RPH3A: variants seen among roughly 807,000 people sequenced by gnomAD.
RPH3A encodes rabphilin 3A, also known as rabphilin-3A.
RPH3A carries 48 observed loss-of-function variants against 102.2 expected under a neutral mutation model. The ratio of observed to expected loss-of-function variants is 0.47; its 90% CI spans 0.37 to 0.60. The LOEUF (loss-of-function observed/expected upper bound fraction) is 0.60, where lower values mean the gene tolerates loss of function less well. RPH3A is among the 20% of genes least tolerant of loss of function. RPH3A has a pLI of 0.00. For synonymous variants in RPH3A, 310 were observed against 324.3 expected (o/e 0.96, Z 0.47); for missense variants, 781 against 910.1 (o/e 0.86, Z 1.83).
intron 1 of RPH3A, among the ~76,000 whole-genome samples, chr12:112,706,180 A>G (rs998044523): frequency 3.9e-5 from 6 of 152,232 alleles, no homozygotes; most frequent in Admixed American, 3.3e-4. Context: ...ACAGCATGCA[A>G]CTAATTGTAA....
At chr12:112,602,806 A>G (rs2039568778) in intron 1 of RPH3A, among the ~76,000 whole-genome samples, 1 of 152,152 alleles carries the variant, frequency 6.6e-6, no homozygotes, top group African/African-American at 2.4e-5. Context: ...GAGAAAAAAA[A>G]AGAGTAGGAG....
intron 2 of RPH3A, among the ~76,000 whole-genome samples, chr12:112,817,987 C>T (rs1302807523): frequency 1.3e-5 from 2 of 152,130 alleles, no homozygotes; most frequent in Admixed American, 1.3e-4. Flanking sequence ...GAATTTGATT[C>T]AAATTGGACT....
intron 1 of RPH3A, among the ~76,000 whole-genome samples, chr12:112,616,515 A>T (rs2039681149): frequency 6.6e-6 from 1 of 152,172 alleles, no homozygotes; most frequent in Non-Finnish European, 1.5e-5. Flanking sequence ...CTTAGAAGAG[A>T]ATTCCCAGAG....
chr12:112,753,394 C>A (rs2040798888), intron 1 of RPH3A, among the ~76,000 whole-genome samples: 1 of 152,162 alleles, frequency 6.6e-6, no homozygotes, highest in African/African-American at 2.4e-5. Context: ...TACTGTGGTA[C>A]ACACAGGGGA....
chr12:112,820,622 C>A (rs2041760989), intron 2 of RPH3A, among the ~76,000 whole-genome samples: 1 of 152,172 alleles, frequency 6.6e-6, no homozygotes, highest in Non-Finnish European at 1.5e-5. Flanking sequence ...ACCTAAGCAG[C>A]CATTATGATG....
At chr12:112,837,702 A>T (rs2042075916) in intron 4 of RPH3A, 2 of 455,312 alleles carry the variant, frequency 4.4e-6, no homozygotes, top group African/African-American at 4.0e-5. Context: ...CTGGAGAGAG[A>T]TGCTGAGTCA....
chr12:112,743,489 T>C (rs1158490944), intron 1 of RPH3A, among the ~76,000 whole-genome samples: 1 of 152,234 alleles, frequency 6.6e-6, no homozygotes, highest in African/African-American at 2.4e-5. Context: ...TCTGCAAGCA[T>C]GTCTGCTCCC....
intron 1 of RPH3A, among the ~76,000 whole-genome samples, chr12:112,629,011 C>T (rs1359066319): frequency 1.3e-5 from 2 of 152,118 alleles, no homozygotes; most frequent in Non-Finnish European, 2.9e-5. Context: ...GCCCCAATGT[C>T]TCACACTTTC....
chr12:112,845,407 C>G (rs2042213344), intron 4 of RPH3A, among the ~76,000 whole-genome samples: 1 of 152,180 alleles, frequency 6.6e-6, no homozygotes, highest in Non-Finnish European at 1.5e-5. Flanking sequence ...GGGCCCTCTT[C>G]AAGATCAAAA....
chr12:112,723,776 A>G (rs1272448804), intron 1 of RPH3A, among the ~76,000 whole-genome samples: 2 of 152,382 alleles, frequency 1.3e-5, no homozygotes, highest in African/African-American at 4.8e-5. Context: ...TCACTGAAAT[A>G]GCAATAGAAG....
At chr12:112,613,709 G>A (rs78639818) in intron 1 of RPH3A, among the ~76,000 whole-genome samples, 3,103 of 152,104 alleles carry the variant, frequency 0.02, 82 homozygotes, top group Non-Finnish European at 0.025. Context: ...TGAGGGTGGG[G>A]GTCTGATGGG....
intron 2 of RPH3A, among the ~76,000 whole-genome samples, chr12:112,798,047 G>A (rs1211765957): frequency 1.3e-5 from 2 of 152,232 alleles, no homozygotes; most frequent in Non-Finnish European, 2.9e-5. Flanking sequence ...AAGAGGGAAG[G>A]CAGCAGTGCT....
chr12:112,591,062 C>G (rs2039473975), intron 1 of RPH3A, among the ~76,000 whole-genome samples: 1 of 152,158 alleles, frequency 6.6e-6, no homozygotes, highest in African/African-American at 2.4e-5. Flanking sequence ...AAGGGATCCT[C>G]CCACCTCAGC....
In RPH3A at chr12:112,868,531, T is replaced by C; in HGVS notation, c.546T>C (p.Ser182=). The C allele has an allele frequency of 6.2e-7, 1 of 1,614,176 alleles. No individual in the cohort carries two copies. The highest frequency in any genetic ancestry group is 1.1e-5 in the South Asian group (1 of 91,080). ...AGACCAAGCCCCAGCAGCCTGTCAG[T>C]GAGCCTGCTGCCCCTGAACAGCCTG... ...IKKTKPQQPV[S]EPAAPEQPAP... Residue 182 remains serine, a synonymous_variant, in exon 8 of 22, where the codon AGT becomes AGC. Coordinates refer to ENST00000389385, the MANE Select transcript of RPH3A (RefSeq NM_001143854.2).
intron 1 of RPH3A, among the ~76,000 whole-genome samples, chr12:112,641,650 G>A (rs774340381): frequency 2.0e-5 from 3 of 152,106 alleles, no homozygotes; most frequent in African/African-American, 4.8e-5. Flanking sequence ...CGTCCACCTC[G>A]GCCTCCCAAA....
intron 1 of RPH3A, among the ~76,000 whole-genome samples, chr12:112,647,788 GT>G (rs1437202110): frequency 1.3e-5 from 2 of 152,236 alleles, no homozygotes; most frequent in African/African-American, 4.8e-5. Flanking sequence ...GCAGTGAACG[GT>G]TTGAGGAATA....
At chr12:112,675,084 C>A (rs1362749267) in intron 1 of RPH3A, among the ~76,000 whole-genome samples, 3 of 152,206 alleles carry the variant, frequency 2.0e-5, no homozygotes, top group Non-Finnish European at 4.4e-5. Flanking sequence ...CTCTTTCTTT[C>A]ATCTCTGTCA....
intron 13 of RPH3A, among the ~76,000 whole-genome samples, chr12:112,877,189 A>T (rs2042817325): frequency 6.6e-6 from 1 of 152,140 alleles, no homozygotes; most frequent in Admixed American, 6.5e-5. Context: ...TAGCTCCTCA[A>T]GAGGTTAAAC....
intron 8 of RPH3A, 117 bp from the exon 9 acceptor site, chr12:112,869,642 T>A: frequency 9.8e-7 from 1 of 1,022,692 alleles, no homozygotes; most frequent in South Asian, 1.5e-5. Flanking sequence ...AGACTTTTAA[T>A]TTTTAAAACA....
Sources: gnomAD v4.1 joint callset for allele counts (sites outside exome capture counted in the v4.1 genomes callset) on GRCh38, gnomAD v4.1.1 for gene constraint, MANE v1.5 for transcripts, NCBI Gene and HGNC (gene_info 2026-07-23, HGNC 2026-07-21) for gene names.